DNAJC1: variants seen among roughly 807,000 people sequenced by gnomAD.
DNAJC1 encodes the protein DnaJ heat shock protein family (Hsp40) member C1.
In DNAJC1, 58 loss-of-function variants were observed where a neutral mutation model predicts 76.6. The observed-to-expected ratio is 0.76, with a 90% CI of 0.61 to 0.94. The LOEUF (loss-of-function observed/expected upper bound fraction) is 0.94, where lower values mean the gene tolerates loss of function less well. Ranked by LOEUF, DNAJC1 falls within the 40% of genes least tolerant of loss-of-function variation. The probability of loss-of-function intolerance (pLI) is 0.00; values close to 1 mark genes in which losing one functional copy is unlikely to be tolerated. For synonymous variants in DNAJC1, 258 were observed against 267.9 expected, an observed-to-expected ratio of 0.96 and a Z score of 0.36; for missense variants, 689 against 677.3, an observed-to-expected ratio of 1.02 and a Z score of -0.19.
At chr10:21,855,522 T>C (rs553603490) in intron 8 of DNAJC1, among the ~76,000 whole-genome samples, 1 of 152,318 alleles carries the variant, frequency 6.6e-6, no homozygotes, top group Non-Finnish European at 1.5e-5. Context: ...AAACAATTTT[T>C]ATTAAAGAGT....
chr10:21,805,025 A>C (rs1834867568), intron 9 of DNAJC1, among the ~76,000 whole-genome samples: 1 of 152,126 alleles, frequency 6.6e-6, no homozygotes, highest in African/African-American at 2.4e-5. Context: ...TATTGAAAGT[A>C]ACTTACAGCA....
chr10:21,980,210 A>G lies in DNAJC1; in HGVS notation c.222+23003T>C, dbSNP rs545540749. ...ACAAACTATATACACATATACACAC[A>G]TATATTTCCTAGTTCTGTCCATTAA... is the stretch of plus-strand genomic sequence containing the variant. On this transcript the variant is annotated intron_variant, in intron 1 of 11. Transcript: ENST00000376980. Among the ~76,000 whole-genome samples the G allele has an allele frequency of 1.9e-4, 29 of 152,194 alleles. No homozygotes were observed. The East Asian group carries it at 3.7e-3, about 19-fold the overall frequency.
intron 7 of DNAJC1, among the ~76,000 whole-genome samples, chr10:21,892,526 T>G (rs1836477035): frequency 6.6e-6 from 1 of 151,956 alleles, no homozygotes; most frequent in Non-Finnish European, 1.5e-5. Context: ...TCAATCACTA[T>G]ATTAAATATA....
chr10:21,876,062 A>C (rs1836182783), intron 8 of DNAJC1, among the ~76,000 whole-genome samples: 1 of 152,200 alleles, frequency 6.6e-6, no homozygotes, highest in Admixed American at 6.5e-5. Context: ...TAAATGTAAG[A>C]AAAAATATCC....
At chr10:21,925,304 G>A (rs924812984) in intron 3 of DNAJC1, among the ~76,000 whole-genome samples, 4 of 152,162 alleles carry the variant, frequency 2.6e-5, no homozygotes, top group Middle Eastern at 6.8e-3. Flanking sequence ...GAGCCACTGC[G>A]CCCAGCCAGC....
chr10:21,904,304 T>C (rs1009509564), intron 7 of DNAJC1, among the ~76,000 whole-genome samples: 1 of 152,134 alleles, frequency 6.6e-6, no homozygotes, highest in African/African-American at 2.4e-5. Flanking sequence ...AAGCTGATTT[T>C]ATCCTTCCTT....
At chr10:21,881,860 A>C (rs1485980322) in intron 8 of DNAJC1, among the ~76,000 whole-genome samples, 4 of 150,542 alleles carry the variant, frequency 2.7e-5, no homozygotes, top group African/African-American at 9.7e-5. Flanking sequence ...AAAAAAAAAA[A>C]AAAAAAAAAA....
Position 21,930,435 on chromosome 10 carries a change from C to T in DNAJC1, c.223-1294G>A, listed in dbSNP as rs75160155. ...TTAAGAAGTTCAAATGATGAAAACACCAAACCAAACCAACACAAAAAATCT... is the reference window on the plus strand; with the variant it reads ...TTAAGAAGTTCAAATGATGAAAACATCAAACCAAACCAACACAAAAAATCT... On this transcript the variant is annotated intron_variant, in intron 1 of 11. Transcript: ENST00000376980. Among the ~76,000 whole-genome samples the T allele has an allele frequency of 5.6e-3, 847 of 152,218 alleles. 12 individuals carry two copies. The highest frequency in any genetic ancestry group is 0.019 in the African/African-American group (799 of 41,518).
At chr10:21,994,307 T>C (rs1164556086) in intron 1 of DNAJC1, among the ~76,000 whole-genome samples, 2 of 150,432 alleles carry the variant, frequency 1.3e-5, no homozygotes, top group Non-Finnish European at 2.9e-5. Flanking sequence ...CAGCAGCATG[T>C]TGAAAAACTG....
intron 1 of DNAJC1, among the ~76,000 whole-genome samples, chr10:21,989,805 T>C (rs998975413): frequency 1.2e-4 from 18 of 152,078 alleles, no homozygotes; most frequent in South Asian, 4.1e-4. Flanking sequence ...ATATAAGACC[T>C]AGTTCTTGCC....
intron 8 of DNAJC1, among the ~76,000 whole-genome samples, chr10:21,829,844 C>A (rs1015961093): frequency 1.3e-5 from 2 of 152,122 alleles, no homozygotes; most frequent in African/African-American, 4.8e-5. Context: ...TTACCATGTG[C>A]TTTCTTTTAT....
chr10:21,803,776 A>C (rs1434147059), intron 9 of DNAJC1: 1 of 916,776 alleles, frequency 1.1e-6, no homozygotes, highest in East Asian at 1.2e-4. Context: ...TTATAATGGC[A>C]TTTTTTTGTA....
chr10:21,966,687 CTT>C (rs111881136), intron 1 of DNAJC1, among the ~76,000 whole-genome samples: 227 of 129,912 alleles, frequency 1.7e-3, no homozygotes, highest in Non-Finnish European at 1.4e-3. Context: ...TCTTCTTCTT[CTT>C]TTTTTTTTTT....
At chr10:21,786,578 T>C (rs940078913) in intron 9 of DNAJC1, among the ~76,000 whole-genome samples, 1 of 150,926 alleles carries the variant, frequency 6.6e-6, no homozygotes, top group African/African-American at 2.4e-5. Context: ...CTCTGCCTCC[T>C]GGGTTCAAGT....
chr10:21,811,014 C>A (rs1834956182), intron 8 of DNAJC1, among the ~76,000 whole-genome samples: 1 of 152,212 alleles, frequency 6.6e-6, no homozygotes, highest in African/African-American at 2.4e-5. Flanking sequence ...AACAGCCTCA[C>A]TGTAACATAC....
At chr10:21,768,459 C>A (rs1834327700) in intron 9 of DNAJC1, among the ~76,000 whole-genome samples, 1 of 152,174 alleles carries the variant, frequency 6.6e-6, no homozygotes, top group South Asian at 2.1e-4. Context: ...ATATATTACC[C>A]TCTGTAATGT....
chr10:21,851,176 A>T (rs1271397310), intron 8 of DNAJC1, among the ~76,000 whole-genome samples: 1 of 152,238 alleles, frequency 6.6e-6, no homozygotes, highest in East Asian at 1.9e-4. Flanking sequence ...ACTTTTGTGC[A>T]TGAAAGAACA....
At chr10:22,000,251 C>T (rs1838497269) in intron 1 of DNAJC1, among the ~76,000 whole-genome samples, 1 of 152,156 alleles carries the variant, frequency 6.6e-6, no homozygotes, top group African/African-American at 2.4e-5. Context: ...CAATCTATAC[C>T]ACAATTATCC....
At chr10:21,995,720 G>A (rs1838405417) in intron 1 of DNAJC1, among the ~76,000 whole-genome samples, 1 of 152,184 alleles carries the variant, frequency 6.6e-6, no homozygotes, top group Admixed American at 6.5e-5. Flanking sequence ...GTAGAACGTG[G>A]CATGCCCTTG....
Sources: gnomAD v4.1 joint callset for allele counts (sites outside exome capture counted in the v4.1 genomes callset) on GRCh38, gnomAD v4.1.1 for gene constraint, MANE v1.5 for transcripts, NCBI Gene and HGNC (gene_info 2026-07-23, HGNC 2026-07-21) for gene names.